Variants in CA1 observed in about 807,000 individuals in gnomAD.
CA1 encodes carbonic anhydrase 1, also known as carbonate dehydratase I.
Under a neutral mutation model 28.8 loss-of-function variants are expected in CA1, and 27 were observed. That is an observed-to-expected ratio of 0.94 (90% CI 0.69 to 1.29). The LOEUF (loss-of-function observed/expected upper bound fraction) is 1.29. Among genes scored for constraint, CA1 ranks in the 50% most tolerant of loss-of-function variants. CA1 has a pLI of 0.00. For missense variants in CA1, 335 were observed against 310.5 expected (o/e 1.08, Z -0.59); for synonymous variants, 121 against 108.8 (o/e 1.11, Z -0.70).
At chr8:85,368,721 AAGAG>A (rs1357440226) in intron 1 of CA1, among the ~76,000 whole-genome samples, 7 of 152,160 alleles carry the variant, frequency 4.6e-5, no homozygotes, top group Non-Finnish European at 8.8e-5. Context: ...AGGTAAAAAA[AAGAG>A]AGAAAACTTT....
At chr8:85,352,175 A>G (rs1389636009) in intron 1 of CA1, among the ~76,000 whole-genome samples, 1 of 152,146 alleles carries the variant, frequency 6.6e-6, no homozygotes, top group Admixed American at 6.5e-5. Flanking sequence ...CCTAACCTCA[A>G]GGGGTGGATG....
At position 85,368,713 on chromosome 8, in the gene CA1, G is replaced by GT. The variant is rs1296679431; in HGVS notation, c.-25+9332dup. 2.6e-5 allele frequency among the ~76,000 whole-genome samples: 4 copies of GT among 151,552 alleles called. No individual in the cohort carries two copies. The East Asian group carries it at 7.7e-4, about 29-fold the overall frequency. On this transcript the variant is annotated intron_variant, in intron 1 of 7. Coordinates refer to ENST00000523022, the MANE Select transcript of CA1 (RefSeq NM_001128831.4). The stretch of plus-strand genomic sequence containing the variant: ...CTTTTTTTTGGAGAAAGAGAAACAG[G>GT]TAAAAAAAAGAGAGAAAACTTTAGA...
At chr8:85,374,021 A>T (rs1466314067) in intron 1 of CA1, among the ~76,000 whole-genome samples, 1 of 152,198 alleles carries the variant, frequency 6.6e-6, no homozygotes, top group African/African-American at 2.4e-5. Flanking sequence ...GGGGTTGCAC[A>T]GCAACGTCAA....
chr8:85,344,242 AATTATAT>A (rs1367519751), intron 1 of CA1, among the ~76,000 whole-genome samples: 9 of 96,356 alleles, frequency 9.3e-5, no homozygotes, highest in East Asian at 2.6e-4. Context: ...TATAATATAT[AATTATAT>A]ATTATATACA....
At chr8:85,365,484 C>A (rs1000703411) in intron 1 of CA1, among the ~76,000 whole-genome samples, 1 of 152,176 alleles carries the variant, frequency 6.6e-6, no homozygotes, top group Non-Finnish European at 1.5e-5. Context: ...TCTCACATTG[C>A]AGGCTGGGGA....
chr8:85,366,625 A>G (rs117784700), intron 1 of CA1, among the ~76,000 whole-genome samples: 2,336 of 152,324 alleles, frequency 0.015, 29 homozygotes, highest in South Asian at 0.049. Context: ...AGTCTGTGAA[A>G]TTGAAAAATT....
intron 1 of CA1, chr8:85,349,677 T>C (rs1809332371): frequency 6.6e-6 from 1 of 152,232 alleles, no homozygotes; most frequent in Non-Finnish European, 1.5e-5. Context: ...AGCTATCACA[T>C]GCATCCCTAC....
intron 4 of CA1, among the ~76,000 whole-genome samples, chr8:85,333,998 G>T (rs1469234949): frequency 6.6e-6 from 1 of 152,156 alleles, no homozygotes; most frequent in African/African-American, 2.4e-5. Context: ...ATGAGAAAGG[G>T]TTCCTGGAGT....
intron 1 of CA1, among the ~76,000 whole-genome samples, chr8:85,372,377 G>A (rs1205882367): frequency 6.6e-6 from 1 of 152,198 alleles, no homozygotes; most frequent in East Asian, 1.9e-4. Flanking sequence ...TGGTGGGAAT[G>A]TAAAGAGCTG....
chr8:85,365,352 G>A (rs560989587), intron 1 of CA1, among the ~76,000 whole-genome samples: 37 of 152,320 alleles, frequency 2.4e-4, no homozygotes, highest in African/African-American at 8.9e-4. Flanking sequence ...CATAATGGAT[G>A]ATGAAAGGTG....
chr8:85,333,428 A>T, intron 5 of CA1, 97 bp downstream of exon 5: 1 of 775,552 alleles, frequency 1.3e-6, no homozygotes, highest in South Asian at 1.5e-5. Context: ...ACTTTAAAAT[A>T]AGAAATTCTA....
chr8:85,341,761 T>A (rs887823270), intron 1 of CA1, 102 bp from the exon 2 acceptor site: 3 of 698,414 alleles, frequency 4.3e-6, no homozygotes, highest in Non-Finnish European at 5.2e-6. Context: ...TACTTGCTTT[T>A]AATAGGCCAT....
At chr8:85,357,924 C>T (rs1455756921) in intron 1 of CA1, among the ~76,000 whole-genome samples, 3 of 152,244 alleles carry the variant, frequency 2.0e-5, no homozygotes, top group African/African-American at 7.2e-5. Context: ...TGCTTTCAAC[C>T]TGCACGAGTG....
intron 1 of CA1, chr8:85,349,850 A>C (rs1034105119): frequency 1.3e-5 from 2 of 152,210 alleles, no homozygotes; most frequent in Non-Finnish European, 2.9e-5. Flanking sequence ...ATCAGCCTAC[A>C]GGATGGAACA....
At chr8:85,350,362 T>A (rs894559127) in intron 1 of CA1, among the ~76,000 whole-genome samples, 2 of 152,186 alleles carry the variant, frequency 1.3e-5, no homozygotes, top group Non-Finnish European at 2.9e-5. Context: ...TTTTCAAGTG[T>A]GACTTGAAAG....
At chr8:85,361,044 G>A (rs1325050640) in intron 1 of CA1, among the ~76,000 whole-genome samples, 1 of 152,108 alleles carries the variant, frequency 6.6e-6, no homozygotes, top group East Asian at 1.9e-4. Flanking sequence ...TAAACACAAA[G>A]CAAAACTCCC....
At chr8:85,358,169 G>C (rs1360580680) in intron 1 of CA1, among the ~76,000 whole-genome samples, 1 of 152,128 alleles carries the variant, frequency 6.6e-6, no homozygotes, top group Non-Finnish European at 1.5e-5. Flanking sequence ...CTTACAAGGA[G>C]GAAGGCAAGA....
At chr8:85,365,075 G>A (rs1341673969) in intron 1 of CA1, among the ~76,000 whole-genome samples, 2 of 152,214 alleles carry the variant, frequency 1.3e-5, no homozygotes, top group Non-Finnish European at 2.9e-5. Context: ...GAGGCCTCAG[G>A]CCCTGGTTGG....
intron 1 of CA1, among the ~76,000 whole-genome samples, chr8:85,351,178 A>G (rs1293756055): frequency 2.0e-5 from 3 of 152,254 alleles, no homozygotes; most frequent in African/African-American, 7.2e-5. Flanking sequence ...TGATATTATT[A>G]GTAAAGGCCA....
Sources: gnomAD v4.1 joint callset for allele counts (sites outside exome capture counted in the v4.1 genomes callset) on GRCh38, gnomAD v4.1.1 for gene constraint, MANE v1.5 for transcripts, NCBI Gene and HGNC (gene_info 2026-07-23, HGNC 2026-07-21) for gene names.